The following RAB9B variants were observed in gnomAD, a reference collection of about 807,000 sequenced individuals.
The protein encoded by RAB9B is ras-related protein Rab-9B.
In RAB9B, 1 loss-of-function variant was observed where a neutral mutation model predicts 8.9. That is an observed-to-expected ratio of 0.11 (90% confidence interval 0.04 to 0.53). RAB9B has a LOEUF of 0.53. RAB9B is among the 20% of genes least tolerant of loss of function. The pLI, the probability that RAB9B is intolerant of heterozygous loss-of-function variation, is 0.93. For missense variants in RAB9B, 82 were observed against 152.9 expected, an observed-to-expected ratio of 0.54 and a Z score of 2.45; for synonymous variants, 63 against 57.0, an observed-to-expected ratio of 1.10 and a Z score of -0.47.
the RAB9B span, among the ~76,000 whole-genome samples, chrX:103,799,516 T>C: frequency 8.9e-6 from 1 of 112,062 alleles, no homozygotes; most frequent in Non-Finnish European, 1.9e-5. Flanking sequence ...ACATCTCACA[T>C]TAGAGGTCAT....
chrX:103,814,206 A>C, the RAB9B span, among the ~76,000 whole-genome samples: 1 of 111,809 alleles, frequency 8.9e-6, no homozygotes, highest in African/African-American at 3.3e-5. Context: ...TCCTTAGCAA[A>C]TGTAAAAGAA....
chrX:103,779,782 C>T, the RAB9B span: 1 of 112,182 alleles, frequency 8.9e-6, no homozygotes, highest in Non-Finnish European at 1.9e-5. Context: ...AGTCTCCAAA[C>T]CCATTAAGGT....
the RAB9B span, chrX:103,787,636 A>G: frequency 3.9e-6 from 2 of 514,554 alleles, no homozygotes; most frequent in Non-Finnish European, 6.9e-6. Flanking sequence ...GATACTGCCA[A>G]TTACCCTTGG....
At chrX:103,810,818 T>TGAAGAGGG in the RAB9B span, among the ~76,000 whole-genome samples, 1 of 112,042 alleles carries the variant, frequency 8.9e-6, no homozygotes, top group African/African-American at 3.2e-5. Context: ...CCACTTCCCA[T>TGAAGAGGG]TTACTCTCTT....
chrX:103,827,207 G>T (rs1267494684), intron 1 of RAB9B, 129 bp from the exon 2 acceptor site: 1 of 108,909 alleles, frequency 9.2e-6, no homozygotes, highest in African/African-American at 3.3e-5. Flanking sequence ...AACCTACAGA[G>T]GGTGCTTTTC....
At chrX:103,830,131 T>C (rs759006109) in intron 1 of RAB9B, among the ~76,000 whole-genome samples, 2 of 110,903 alleles carry the variant, frequency 1.8e-5, no homozygotes, top group Admixed American at 9.6e-5. Flanking sequence ...ATTTTAAAAA[T>C]AAGTATATAC....
chrX:103,776,403 G>A, the RAB9B span: 1 of 111,787 alleles, frequency 8.9e-6, no homozygotes, highest in East Asian at 2.8e-4. Context: ...AGGTGGAGAG[G>A]GCCAAGGGCA....
chrX:103,823,232 C>T lies in RAB9B; in HGVS notation c.*1947G>A, dbSNP rs1453722421. ...TGATTGTAGCAAAATGATCACAGAACTTGGAAACCAGTGTGGCTGGCTATA... is the reference window on the plus strand; with the variant it reads ...TGATTGTAGCAAAATGATCACAGAATTTGGAAACCAGTGTGGCTGGCTATA... On this transcript the variant is annotated 3_prime_UTR_variant, in exon 3 of 3. Transcript: ENST00000243298. The T allele has an allele frequency of 8.9e-6, 1 of 111,807 alleles. No individual in the cohort carries two copies. Among genetic ancestry groups the T allele is most frequent in the Non-Finnish European group, 1.9e-5 (1 of 53,190 alleles). The allele number at this position is 111,807 out of a possible 1,213,427, so 9.2% of individuals were successfully genotyped here. A position where few individuals can be genotyped will look rare whatever the true frequency, so the allele number is the denominator to read the frequency against.
the RAB9B span, among the ~76,000 whole-genome samples, chrX:103,795,157 A>T: frequency 1.8e-5 from 2 of 111,110 alleles, no homozygotes; most frequent in East Asian, 5.6e-4. Flanking sequence ...GGAGACAGGG[A>T]GCATGGTGAA....
chrX:103,823,474 G>A lies in RAB9B; in HGVS notation c.*1705C>T, dbSNP rs955065926. On this transcript the variant is annotated 3_prime_UTR_variant, in exon 3 of 3. Transcript: ENST00000243298. Reference sequence around the variant, plus strand: ...AAAGGTCCTACATGTAAGTAAGGCTGATTCCATACGTGGCTACAATGGAGA... The same window carrying A: ...AAAGGTCCTACATGTAAGTAAGGCTAATTCCATACGTGGCTACAATGGAGA... 8.9e-6 allele frequency: 1 copy of A among 112,057 alleles called. No homozygotes were observed. Among genetic ancestry groups the A allele is most frequent in the Non-Finnish European group, 1.9e-5 (1 of 53,268 alleles). 9.2% of individuals were successfully genotyped at this position (112,057 alleles called of 1,213,427 possible). A position where few individuals can be genotyped will look rare whatever the true frequency, so the allele number is the denominator to read the frequency against.
chrX:103,808,955 C>T, the RAB9B span, among the ~76,000 whole-genome samples: 2 of 113,144 alleles, frequency 1.8e-5, no homozygotes, highest in South Asian at 3.6e-4. Flanking sequence ...CTTTCTTTGT[C>T]ACCTTTCAAG....
At chrX:103,786,692 A>G in the RAB9B span, 2 of 1,211,237 alleles carry the variant, frequency 1.7e-6, no homozygotes, top group African/African-American at 1.7e-5. Flanking sequence ...CGGGTGTGTC[A>G]TTGTTTGGGA....
chrX:103,777,734 A>C, the RAB9B span, among the ~76,000 whole-genome samples: 1 of 112,249 alleles, frequency 8.9e-6, no homozygotes, highest in African/African-American at 3.2e-5. Flanking sequence ...GGGCTTTTCT[A>C]GGTTCCGTGA....
chrX:103,782,560 T>G, the RAB9B span, among the ~76,000 whole-genome samples: 3 of 112,053 alleles, frequency 2.7e-5, no homozygotes, highest in Non-Finnish European at 5.6e-5. Context: ...TTCCCTCTCA[T>G]CTTTGCAACC....
the RAB9B span, among the ~76,000 whole-genome samples, chrX:103,812,843 C>T: frequency 3.1e-4 from 34 of 109,996 alleles, no homozygotes; most frequent in Middle Eastern, 4.7e-3. Flanking sequence ...ATCCCTAACT[C>T]TCTGTGTCCT....
At chrX:103,799,575 T>G in the RAB9B span, among the ~76,000 whole-genome samples, 1 of 111,874 alleles carries the variant, frequency 8.9e-6, no homozygotes, top group African/African-American at 3.2e-5. Flanking sequence ...AATCTCTTTC[T>G]AAGGTGATAA....
At chrX:103,803,382 T>C in the RAB9B span, among the ~76,000 whole-genome samples, 1 of 112,419 alleles carries the variant, frequency 8.9e-6, no homozygotes, top group Non-Finnish European at 1.9e-5. Flanking sequence ...GGCTTTTTAA[T>C]TATAGCCATC....
the RAB9B span, chrX:103,788,814 C>A: frequency 2.9e-6 from 1 of 343,370 alleles, no homozygotes; most frequent in Non-Finnish European, 5.1e-6. Context: ...ATTTTCATTC[C>A]TTTAGTTAAA....
the RAB9B span, chrX:103,780,347 C>T: frequency 9.0e-6 from 1 of 111,635 alleles, no homozygotes; most frequent in African/African-American, 3.3e-5. Context: ...AGACAATGTG[C>T]CAAGGATAAG....
Sources: gnomAD v4.1 joint callset for allele counts (sites outside exome capture counted in the v4.1 genomes callset) on GRCh38, gnomAD v4.1.1 for gene constraint, MANE v1.5 for transcripts, NCBI Gene and HGNC (gene_info 2026-07-23, HGNC 2026-07-21) for gene names.